NUP62CL: variants seen among roughly 807,000 people sequenced by gnomAD.
NUP62CL encodes the protein nucleoporin 62 C-terminal like.
Under a neutral mutation model 15.3 loss-of-function variants are expected in NUP62CL, and 13 were observed. That is an observed-to-expected ratio of 0.85 (90% confidence interval 0.55 to 1.35). The LOEUF is 1.35. Among genes scored for constraint, NUP62CL ranks in the 40% most tolerant of loss-of-function variants. NUP62CL has a pLI of 0.00. For missense variants in NUP62CL, 123 were observed against 130.6 expected, an observed-to-expected ratio of 0.94 and a Z score of 0.28; for synonymous variants, 54 against 49.2, an observed-to-expected ratio of 1.10 and a Z score of -0.41.
At chrX:107,197,506 C>T (rs927421538) in intron 1 of NUP62CL, among the ~76,000 whole-genome samples, 1 of 110,465 alleles carries the variant, frequency 9.1e-6, no homozygotes, top group Admixed American at 9.9e-5. Flanking sequence ...CTTATCCACA[C>T]TGCCTAACTA....
intron 8 of NUP62CL, among the ~76,000 whole-genome samples, chrX:107,142,190 A>G (rs1340719681): frequency 3.6e-5 from 4 of 111,740 alleles, no homozygotes; most frequent in African/African-American, 1.3e-4. Context: ...AATATAAAGT[A>G]TGATTATTAC....
chrX:107,135,138 T>C (rs1292300284), intron 8 of NUP62CL, among the ~76,000 whole-genome samples: 5 of 112,249 alleles, frequency 4.5e-5, no homozygotes, highest in African/African-American at 1.6e-4. Context: ...CCTGACCCAA[T>C]GATCTGTTCT....
chrX:107,131,596 C>T (rs769372307), intron 8 of NUP62CL: 12 of 439,494 alleles, frequency 2.7e-5, no homozygotes, highest in Middle Eastern at 6.7e-4. Context: ...GATGGCAGCT[C>T]CGCGTCGCCA....
rs1218022406 is a variant in NUP62CL at position 107,153,237 on chromosome X, C to T, written c.465G>A (p.Glu155=). 2.5e-6 allele frequency: 3 copies of T among 1,206,324 alleles called. No homozygotes were observed. Among genetic ancestry groups the T allele is most frequent in the Admixed American group, 4.4e-5 (2 of 45,730 alleles). ...GTCCACTCTGGTCACGCGTAGACTC[C>T]TCTAAATAAGTCAACAGAAATTCTA... ...QELEFLLTYL[E]ESTRDQSGLH... Residue 155 remains glutamate (E), a synonymous_variant, in exon 7 of 9, where the codon GAG becomes GAA. Coordinates refer to ENST00000372466, the MANE Select transcript of NUP62CL (RefSeq NM_017681.3).
intron 8 of NUP62CL, among the ~76,000 whole-genome samples, chrX:107,137,776 A>G (rs1925675557): frequency 8.9e-6 from 1 of 112,217 alleles, no homozygotes; most frequent in Non-Finnish European, 1.9e-5. Flanking sequence ...GGAAGACTCA[A>G]CACAGTAAAG....
chrX:107,193,258 G>C (rs916532071), intron 1 of NUP62CL, among the ~76,000 whole-genome samples, 186 bp from the exon 2 acceptor site: 6 of 112,000 alleles, frequency 5.4e-5, no homozygotes, highest in African/African-American at 1.9e-4. Context: ...CAGAAAGAAG[G>C]ACAATTTTTT....
At chrX:107,194,810 TC>T (rs1265108881) in intron 1 of NUP62CL, among the ~76,000 whole-genome samples, 2 of 61,273 alleles carry the variant, frequency 3.3e-5, no homozygotes, top group African/African-American at 8.3e-5. Context: ...TTTCTTTCTC[TC>T]TTTTTTTTTT....
At chrX:107,203,285 C>T (rs1357913630) in intron 1 of NUP62CL, among the ~76,000 whole-genome samples, 3 of 106,808 alleles carry the variant, frequency 2.8e-5, no homozygotes, top group African/African-American at 6.9e-5. Flanking sequence ...GTTCTGTCGC[C>T]CAGGCTGGAG....
At chrX:107,158,555 GA>G (rs1297517576) in intron 4 of NUP62CL, among the ~76,000 whole-genome samples, 4 of 73,777 alleles carry the variant, frequency 5.4e-5, no homozygotes, top group Non-Finnish European at 6.6e-5. Context: ...AATGAAGGCA[GA>G]AATAAAGATG....
At chrX:107,144,061 T>TA (rs1925835178) in intron 8 of NUP62CL, among the ~76,000 whole-genome samples, 1 of 111,567 alleles carries the variant, frequency 9.0e-6, no homozygotes, top group South Asian at 3.8e-4. Context: ...TGAGAACCAA[T>TA]ATGAAATCTC....
chrX:107,132,808 G>A (rs770813054), intron 8 of NUP62CL, among the ~76,000 whole-genome samples: 8 of 111,810 alleles, frequency 7.2e-5, no homozygotes, highest in Non-Finnish European at 7.5e-5. Context: ...GGACCCTTCT[G>A]AGTCCTTTAA....
At chrX:107,203,484 G>T (rs1927535836) in intron 1 of NUP62CL, among the ~76,000 whole-genome samples, 1 of 110,398 alleles carries the variant, frequency 9.1e-6, no homozygotes, top group Non-Finnish European at 1.9e-5. Context: ...GGATTCAAGT[G>T]ATTCTTCCGC....
chrX:107,167,683 A>G lies in NUP62CL; in HGVS notation c.160T>C (p.Phe54Leu), dbSNP rs16987290. The G allele has an allele frequency of 1.4e-3, 1,729 of 1,207,395 alleles. 19 individuals are homozygous for G. The African/African-American group carries it at 0.027, about 19-fold the overall frequency. The change falls in exon 4 of 9, where the codon TTT (phenylalanine) becomes CTT (leucine). Residue 54 changes from phenylalanine to leucine, a missense_variant. Physicochemically the swap from Phe to Leu is conservative, Grantham distance 22. Transcript: ENST00000372466. ...GAAGTATAAGGTACAAGGTTTTCAA[A>G]CCCTCTTGATAACAGTTGGTTTTGG... ...VNQNQLLSRG[F>L]ENLVPYTSTV...
chrX:107,152,178 A>G (rs1926060309), intron 7 of NUP62CL, among the ~76,000 whole-genome samples: 1 of 92,716 alleles, frequency 1.1e-5, no homozygotes, highest in Admixed American at 1.3e-4. Flanking sequence ...TCAGATATAT[A>G]TATATTCAGA....
intron 4 of NUP62CL, among the ~76,000 whole-genome samples, chrX:107,160,792 A>T (rs1250440925): frequency 9.0e-6 from 1 of 111,389 alleles, no homozygotes; most frequent in African/African-American, 3.3e-5. Flanking sequence ...GGATCTAATT[A>T]AACTAAAGAG....
intron 1 of NUP62CL, among the ~76,000 whole-genome samples, chrX:107,195,139 A>T (rs1927334571): frequency 1.8e-5 from 2 of 111,381 alleles, no homozygotes; most frequent in African/African-American, 6.5e-5. Flanking sequence ...AAATTTCTTG[A>T]TAACTTCTAT....
intron 4 of NUP62CL, among the ~76,000 whole-genome samples, chrX:107,156,877 T>A (rs1406929853): frequency 2.1e-5 from 2 of 93,711 alleles, no homozygotes; most frequent in Admixed American, 1.2e-4. Flanking sequence ...TTGAAAACTT[T>A]GAAAAAAATT....
At chrX:107,153,358 A>G in intron 6 of NUP62CL, 52 bp from the exon 7 acceptor site, 1 of 1,139,983 alleles carries the variant, frequency 8.8e-7, no homozygotes. Context: ...TGGAGTGACA[A>G]AAAGAAAAGA....
At chrX:107,143,184 T>C (rs1925813163) in intron 8 of NUP62CL, among the ~76,000 whole-genome samples, 1 of 111,887 alleles carries the variant, frequency 8.9e-6, no homozygotes, top group Non-Finnish European at 1.9e-5. Context: ...GACTGGACTT[T>C]TATGTAATAT....
Sources: allele counts gnomAD v4.1 joint callset (sites outside exome capture counted in the v4.1 genomes callset), GRCh38; gene constraint gnomAD v4.1.1; transcripts MANE v1.5; gene names NCBI Gene and HGNC (gene_info 2026-07-23, HGNC 2026-07-21).